Variants in OS9 observed in about 807,000 individuals in gnomAD.
OS9 encodes OS9 endoplasmic reticulum lectin.
OS9 carries 58 observed loss-of-function variants against 84.7 expected under a neutral mutation model. The ratio of observed to expected loss-of-function variants is 0.68; its 90% confidence interval spans 0.55 to 0.85. The LOEUF (loss-of-function observed/expected upper bound fraction) is 0.85, where lower values mean the gene tolerates loss of function less well. Ranked by LOEUF, OS9 falls within the 40% of genes least tolerant of loss-of-function variation. The pLI, the probability that OS9 is intolerant of heterozygous loss-of-function variation, is 0.00. For missense variants in OS9, 760 were observed against 850.9 expected (o/e 0.89, Z 1.33); for synonymous variants, 278 against 320.8 (o/e 0.87, Z 1.43).
chr12:57,704,329 G>A (rs1954107143), intron 5 of OS9, among the ~76,000 whole-genome samples: 1 of 152,168 alleles, frequency 6.6e-6, no homozygotes, highest in South Asian at 2.1e-4. Flanking sequence ...CTGAGGTCAG[G>A]AGTTCGAGAC....
At position 57,715,772 on chromosome 12, in the gene OS9, G is replaced by A. The variant is rs766490954; in HGVS notation, c.592G>A (p.Glu198Lys). ...REAEVRFLCDEGAGISGDYID... is the reference protein window; with the variant it reads ...REAEVRFLCDKGAGISGDYID... ...TCTGTCCTGGCAGTTCCTCTGTGAC[G>A]AGGGTGCAGGTATCTCTGGGGACTA... is the stretch of plus-strand genomic sequence containing the variant. Residue 198 changes from glutamate (E) to lysine (K), a missense_variant, in exon 6 of 15, where the codon GAG becomes AAG. By Grantham distance (56) the Glu-to-Lys change is moderately conservative. Coordinates refer to ENST00000315970, the MANE Select transcript of OS9 (RefSeq NM_006812.4). The A allele has an allele frequency of 1.2e-6, 2 of 1,605,524 alleles. No individual in the cohort carries two copies.
In OS9 at chr12:57,694,196, G is replaced by T; in HGVS notation, c.35G>T (p.Gly12Val). 1 of 1,614,192 alleles carries T rather than the reference G, an allele frequency of 6.2e-7. No individual in the cohort carries two copies. Among genetic ancestry groups the T allele is most frequent in the Non-Finnish European group, 8.5e-7 (1 of 1,180,028 alleles). Residue 12 changes from glycine to valine, a missense_variant, in exon 1 of 15, where the codon GGA (glycine) becomes GTA (valine). Gly to Val is a moderately radical substitution (Grantham distance 109). Coordinates refer to ENST00000315970, the MANE Select transcript of OS9 (RefSeq NM_006812.4). ...AAETLLSSLL[G>V]LLLLGLLLPA... Reference sequence around the variant, plus strand: ...GAAACGCTGCTGTCCAGTTTGTTAGGACTGCTGCTTCTGGGACTCCTGTTA... The same window carrying T: ...GAAACGCTGCTGTCCAGTTTGTTAGTACTGCTGCTTCTGGGACTCCTGTTA...
At chr12:57,714,851 C>A (rs939950766) in intron 5 of OS9, among the ~76,000 whole-genome samples, 1 of 152,128 alleles carries the variant, frequency 6.6e-6, no homozygotes, top group Non-Finnish European at 1.5e-5. Flanking sequence ...CCTGCCTTGG[C>A]CTCCCAAAGT....
At chr12:57,717,445 C>T (rs1954532128) in intron 9 of OS9, among the ~76,000 whole-genome samples, 1 of 152,214 alleles carries the variant, frequency 6.6e-6, no homozygotes. Context: ...AGGAAGATTG[C>T]TTGAGCCCAG....
chr12:57,703,497 G>A (rs1443642737), intron 5 of OS9, among the ~76,000 whole-genome samples: 1 of 152,198 alleles, frequency 6.6e-6, no homozygotes, highest in Non-Finnish European at 1.5e-5. Context: ...GGCATCGTTT[G>A]TTGAAAAGAC....
Position 57,716,013 on chromosome 12 carries a change from G to A in OS9, c.790+43G>A, listed in dbSNP as rs545628586. 6.9e-6 allele frequency: 11 copies of A among 1,599,584 alleles called. No homozygotes were observed. In the East Asian group the frequency reaches 1.6e-4, roughly 23 times the overall value. ...GAGGAGAAGACGGGGAGATACGGGG[G>A]CAGGGGGTGGCAAAAGATCAAGTAT... On this transcript the variant is annotated intron_variant, in intron 6 of 14. Coordinates refer to ENST00000315970, the MANE Select transcript of OS9 (RefSeq NM_006812.4).
At chr12:57,703,689 C>A (rs1253354753) in intron 5 of OS9, among the ~76,000 whole-genome samples, 1 of 151,996 alleles carries the variant, frequency 6.6e-6, no homozygotes, top group African/African-American at 2.4e-5. Context: ...AAATGTGAGT[C>A]CTCTAACTTT....
At chr12:57,707,214 T>G (rs1233236609) in intron 5 of OS9, among the ~76,000 whole-genome samples, 1 of 152,186 alleles carries the variant, frequency 6.6e-6, no homozygotes, top group Non-Finnish European at 1.5e-5. Context: ...CACCTTTTGG[T>G]TTTGTTTATC....
At position 57,716,428 on chromosome 12, in the gene OS9, G is replaced by C. The variant is rs11172308; in HGVS notation, c.909G>C (p.Lys303Asn). The change falls in exon 8 of 15, where the codon AAG (lysine) becomes AAC (asparagine). Residue 303 changes from lysine to asparagine, a missense_variant. Transcript: ENST00000315970. ...GTACCCTAGGTGCGAGCCCGACCAA[G>C]GATGACAGTAAGGACTCAGATTTCT... Reference protein sequence around the residue: ...PQKMAGASPTKDDSKDSDFWK... With the variant: ...PQKMAGASPTNDDSKDSDFWK... 3 of 1,560,332 alleles carry C rather than the reference G, an allele frequency of 1.9e-6. No homozygotes were observed. The highest frequency in any genetic ancestry group is 1.7e-6 in the Non-Finnish European group (2 of 1,151,348).
chr12:57,710,150 G>A (rs1249913865), intron 5 of OS9, among the ~76,000 whole-genome samples: 2 of 152,146 alleles, frequency 1.3e-5, no homozygotes, highest in Non-Finnish European at 2.9e-5. Context: ...ACCCGCACCT[G>A]GCTGTGGGTA....
At chr12:57,696,562 GA>G (rs1953851651) in intron 5 of OS9, among the ~76,000 whole-genome samples, 189 bp downstream of exon 5, 1 of 151,492 alleles carries the variant, frequency 6.6e-6, no homozygotes, top group African/African-American at 2.4e-5. Context: ...TTGGGAGGCC[GA>G]GGCGGGCAGA....
chr12:57,719,297 C>A, intron 12 of OS9, 115 bp downstream of exon 12: 1 of 824,674 alleles, frequency 1.2e-6, no homozygotes, highest in Non-Finnish European at 1.9e-6. Flanking sequence ...ATTCTCTCCC[C>A]ACTTTCTGGA....
At chr12:57,706,708 A>G (rs1954177849) in intron 5 of OS9, among the ~76,000 whole-genome samples, 1 of 151,916 alleles carries the variant, frequency 6.6e-6, no homozygotes, top group Non-Finnish European at 1.5e-5. Flanking sequence ...AATTAGCCTG[A>G]TGTGGTGGTG....
At chr12:57,696,962 C>T (rs1378744838) in intron 5 of OS9, among the ~76,000 whole-genome samples, 4 of 152,210 alleles carry the variant, frequency 2.6e-5, no homozygotes, top group Non-Finnish European at 4.4e-5. Context: ...ACAAGTGCTT[C>T]TCATCTAGTG....
intron 11 of OS9, among the ~76,000 whole-genome samples, 157 bp from the exon 12 acceptor site, chr12:57,718,836 C>T (rs1291758420): frequency 2.0e-5 from 3 of 152,114 alleles, no homozygotes; most frequent in South Asian, 4.2e-4. Flanking sequence ...ACCCGGGAGG[C>T]GGAGGTTGCA....
chr12:57,712,943 A>C (rs1355651961), intron 5 of OS9, among the ~76,000 whole-genome samples: 2 of 151,956 alleles, frequency 1.3e-5, no homozygotes, highest in African/African-American at 4.8e-5. Flanking sequence ...GGCTCCATTC[A>C]TTGCCAACTA....
In OS9 at chr12:57,720,470, G is replaced by T; in HGVS notation, c.1830G>T (p.Leu610=). The change falls in exon 14 of 15, where the codon CTG becomes CTT. Residue 610 remains leucine, a synonymous_variant. Coordinates refer to ENST00000315970, the MANE Select transcript of OS9 (RefSeq NM_006812.4). The part of the protein sequence containing the change: ...AEGTEEGARW[L]TDEDTRNLKE... ...GGACTGAAGAGGGTGCACGTTGGCT[G>T]ACTGATGAGGACACGAGAAACCTCA... The T allele has an allele frequency of 6.2e-7, 1 of 1,614,050 alleles. No homozygotes were observed. The highest frequency in any genetic ancestry group is 8.5e-7 in the Non-Finnish European group (1 of 1,179,852).
Position 57,716,699 on chromosome 12 carries a change from G to T in OS9, c.1000G>T (p.Asp334Tyr). The T allele has an allele frequency of 6.2e-7, 1 of 1,614,048 alleles. No individual in the cohort carries two copies. Among genetic ancestry groups the T allele is most frequent in the African/African-American group, 1.3e-5 (1 of 75,014 alleles). ...CTCCTTTTCTCCTCGTCAGGAGCAG[G>T]ACCCAAGCCCTGAGGCAGCAGATTC... ...GGEEVPAEEQ[D>Y]PSPEAADSAS... The change falls in exon 9 of 15, where the codon GAC becomes TAC. Residue 334 changes from aspartate to tyrosine, a missense_variant. By Grantham distance (160) the Asp-to-Tyr change is radical (BLOSUM62 -3). Coordinates refer to ENST00000315970, the MANE Select transcript of OS9 (RefSeq NM_006812.4).
chr12:57,704,275 AC>A (rs775835069), intron 5 of OS9, among the ~76,000 whole-genome samples: 2 of 152,154 alleles, frequency 1.3e-5, no homozygotes, highest in Non-Finnish European at 2.9e-5. Context: ...GGTGGCTCAC[AC>A]CTGTAATCCC....
Sources: gnomAD v4.1 joint callset for allele counts (sites outside exome capture counted in the v4.1 genomes callset) on GRCh38, gnomAD v4.1.1 for gene constraint, MANE v1.5 for transcripts, NCBI Gene and HGNC (gene_info 2026-07-23, HGNC 2026-07-21) for gene names.